The following HERC3 variants were observed in gnomAD, a reference collection of about 807,000 sequenced individuals.
HERC3 encodes the protein probable E3 ubiquitin-protein ligase HERC3.
In HERC3, 58 loss-of-function variants were observed where a neutral mutation model predicts 129.9. The ratio of observed to expected loss-of-function variants is 0.45; its 90% CI spans 0.36 to 0.56. The LOEUF (loss-of-function observed/expected upper bound fraction) is 0.56. Ranked by LOEUF, HERC3 falls within the 20% of genes least tolerant of loss-of-function variation. The pLI is 0.00. For missense variants in HERC3, 835 were observed against 1,244.2 expected, an observed-to-expected ratio of 0.67 and a Z score of 4.95; for synonymous variants, 430 against 451.0, an observed-to-expected ratio of 0.95 and a Z score of 0.59.
At position 88,706,875 on chromosome 4, in the gene HERC3, A is replaced by G; in HGVS notation, c.3068A>G (p.Asp1023Gly). 1 of 1,613,816 alleles carries G rather than the reference A, an allele frequency of 6.2e-7. No individual in the cohort carries two copies. The highest frequency in any genetic ancestry group is 8.5e-7 in the Non-Finnish European group (1 of 1,179,968). ...PVAHTCYNLL[D>G]LPKYSSKEIL... ...GCCCACACTTGCTACAACCTTCTTG[A>G]CCTCCCCAAGTACAGCAGCAAAGAG... Residue 1023 changes from aspartate (D) to glycine (G), a missense_variant, in exon 26 of 26, where the codon GAC becomes GGC. Transcript: ENST00000402738.
At chr4:88,529,389 C>T in the HERC3 span, among the ~76,000 whole-genome samples, 10 of 151,978 alleles carry the variant, frequency 6.6e-5, no homozygotes, top group African/African-American at 1.9e-4. Context: ...CCTAGGAGTT[C>T]GAGGTTACAG....
intron 3 of HERC3, among the ~76,000 whole-genome samples, chr4:88,618,430 A>G (rs11935902): frequency 0.097 from 14,705 of 152,256 alleles, 1,086 homozygotes; most frequent in South Asian, 0.23. Context: ...GGTATAATTC[A>G]GATTGGCTAG....
rs576018691 is a variant in HERC3, at chr4:88,627,755, G to T, written c.226+21706G>T. ...CTGTTTCTACTAAAAATACAAAAAA[G>T]TAGGCAGGTATGGTGGTGCATGCCT... On this transcript the variant is annotated intron_variant, in intron 3 of 25. Coordinates refer to ENST00000402738, the MANE Select transcript of HERC3 (RefSeq NM_014606.3). Among the ~76,000 whole-genome samples, 1,063 of 146,984 alleles carry T rather than the reference G, an allele frequency of 7.2e-3. 18 individuals carry two copies. Among genetic ancestry groups the T allele is most frequent in the African/African-American group, 0.025 (1,002 of 40,856 alleles).
chr4:88,684,043 C>A (rs1245532643), intron 21 of HERC3, among the ~76,000 whole-genome samples: 1 of 152,158 alleles, frequency 6.6e-6, no homozygotes. Flanking sequence ...TGGCCTACTT[C>A]CCAAAGTAAT....
At chr4:88,650,743 T>C (rs1729181588) in intron 4 of HERC3, among the ~76,000 whole-genome samples, 1 of 152,224 alleles carries the variant, frequency 6.6e-6, no homozygotes, top group South Asian at 2.1e-4. Context: ...TAATATCTGT[T>C]TTTACTACAA....
intron 3 of HERC3, among the ~76,000 whole-genome samples, chr4:88,627,031 C>T (rs959528353): frequency 6.6e-6 from 1 of 152,032 alleles, no homozygotes; most frequent in Non-Finnish European, 1.5e-5. Flanking sequence ...GTATTTTATG[C>T]TAAAATATCC....
At chr4:88,527,559 C>T in the HERC3 span, 1 of 201,152 alleles carries the variant, frequency 5.0e-6, no homozygotes, top group South Asian at 8.1e-5. Flanking sequence ...CCACGCACAG[C>T]CCAACTTGCT....
Position 88,664,112 on chromosome 4 carries a change from A to G in HERC3, c.1272-41A>G, listed in dbSNP as rs759300193. ...GATGCTTAAATAACCATTTATTTGT[A>G]ATTATTAAAGGCTTCCCCCTCCCTT... On this transcript the variant is annotated intron_variant, in intron 11 of 25. Transcript: ENST00000402738. 30 of 1,539,038 alleles carry G rather than the reference A, an allele frequency of 1.9e-5. 1 individual carries two copies. In the Admixed American group the frequency reaches 2.2e-4, roughly 11 times the overall value.
chr4:88,577,003 G>A, the HERC3 span, among the ~76,000 whole-genome samples: 1 of 151,734 alleles, frequency 6.6e-6, no homozygotes, highest in Non-Finnish European at 1.5e-5. Context: ...TCCAATTTTT[G>A]GCCATGGCAA....
chr4:88,651,821 C>T (rs1434755641), intron 4 of HERC3, among the ~76,000 whole-genome samples, 191 bp from the exon 5 acceptor site: 2 of 152,166 alleles, frequency 1.3e-5, no homozygotes, highest in Non-Finnish European at 2.9e-5. Context: ...CTCCTGACCT[C>T]AGGTGATAAG....
chr4:88,676,473 C>G (rs1308672530), intron 18 of HERC3, 50 bp downstream of exon 18: 1 of 1,268,170 alleles, frequency 7.9e-7, no homozygotes, highest in East Asian at 2.3e-5. Flanking sequence ...TTCTCCCATT[C>G]TAGACATTCA....
At chr4:88,621,881 T>A (rs574800144) in intron 3 of HERC3, among the ~76,000 whole-genome samples, 3 of 152,370 alleles carry the variant, frequency 2.0e-5, no homozygotes, top group African/African-American at 7.2e-5. Flanking sequence ...GCAATGTGAC[T>A]ATATCTGCAG....
rs571691777 is a variant in HERC3, at chr4:88,617,850, G to A, written c.226+11801G>A. 4.0e-5 allele frequency among the ~76,000 whole-genome samples: 6 copies of A among 151,728 alleles called. No homozygotes were observed. In the South Asian group the frequency reaches 6.3e-4, roughly 16 times the overall value. ...CGCACCACTGTACTCCAGCCTGGGC[G>A]ACACAGCGAGACTCCGTCTAAAGGA... On this transcript the variant is annotated intron_variant, in intron 3 of 25. Transcript: ENST00000402738.
At chr4:88,527,197 T>A in the HERC3 span, 3 of 152,148 alleles carry the variant, frequency 2.0e-5, no homozygotes, top group Admixed American at 2.0e-4. Flanking sequence ...AAGTATGTCC[T>A]GTCTTTCTTT....
chr4:88,647,534 A>G (rs1048431278), intron 3 of HERC3, among the ~76,000 whole-genome samples: 3 of 152,172 alleles, frequency 2.0e-5, no homozygotes, highest in African/African-American at 7.2e-5. Flanking sequence ...TTTGCAAGGT[A>G]AAGATAGGAC....
chr4:88,558,840 C>T, the HERC3 span, among the ~76,000 whole-genome samples: 1 of 151,412 alleles, frequency 6.6e-6, no homozygotes, highest in South Asian at 2.1e-4. Flanking sequence ...TGATGGTGGG[C>T]GCCTGTAGTC....
chr4:88,636,718 C>T (rs1283913577), intron 3 of HERC3, among the ~76,000 whole-genome samples: 1 of 152,200 alleles, frequency 6.6e-6, no homozygotes, highest in South Asian at 2.1e-4. Flanking sequence ...AGCACTTACT[C>T]TAAAATTGAC....
intron 3 of HERC3, among the ~76,000 whole-genome samples, chr4:88,630,187 G>T (rs2149238302): frequency 6.6e-6 from 1 of 152,140 alleles, no homozygotes; most frequent in African/African-American, 2.4e-5. Flanking sequence ...CTCTGATATT[G>T]TACCCTTGGA....
chr4:88,561,533 G>T, the HERC3 span, among the ~76,000 whole-genome samples: 10 of 151,772 alleles, frequency 6.6e-5, no homozygotes, highest in East Asian at 1.9e-3. Context: ...ATATTCTTTT[G>T]GTTATTTTAA....
Sources: gnomAD v4.1 joint callset for allele counts (sites outside exome capture counted in the v4.1 genomes callset) on GRCh38, gnomAD v4.1.1 for gene constraint, MANE v1.5 for transcripts, NCBI Gene and HGNC (gene_info 2026-07-23, HGNC 2026-07-21) for gene names.